The following SORCS3 variants were observed in gnomAD, a reference collection of about 807,000 sequenced individuals.
SORCS3 encodes VPS10 domain-containing receptor SorCS3.
Under a neutral mutation model 146.3 loss-of-function variants are expected in SORCS3, and 57 were observed. The ratio of observed to expected loss-of-function variants is 0.39; its 90% CI spans 0.31 to 0.49. The LOEUF (loss-of-function observed/expected upper bound fraction) is 0.49. Ranked by LOEUF, SORCS3 falls within the 20% of genes least tolerant of loss-of-function variation. The pLI, the probability that SORCS3 is intolerant of heterozygous loss-of-function variation, is 0.92. For synonymous variants in SORCS3, 653 were observed against 618.5 expected, an observed-to-expected ratio of 1.06 and a Z score of -0.83; for missense variants, 1,341 against 1,575.5, an observed-to-expected ratio of 0.85 and a Z score of 2.52.
At chr10:104,799,546 G>A (rs1464112434) in intron 1 of SORCS3, among the ~76,000 whole-genome samples, 1 of 152,120 alleles carries the variant, frequency 6.6e-6, no homozygotes, top group Non-Finnish European at 1.5e-5. Flanking sequence ...GCCTGTTGGG[G>A]GTTGGGGGGC....
chr10:105,006,270 T>C (rs1764231189), intron 4 of SORCS3, among the ~76,000 whole-genome samples: 1 of 152,166 alleles, frequency 6.6e-6, no homozygotes, highest in African/African-American at 2.4e-5. Context: ...GGGCAAATAC[T>C]TTGGAGTCTT....
chr10:104,768,128 T>G (rs1431896466), intron 1 of SORCS3, among the ~76,000 whole-genome samples: 3 of 152,204 alleles, frequency 2.0e-5, no homozygotes. Context: ...GAGAACTGCC[T>G]TAGAATTACA....
At chr10:104,671,511 T>C (rs555301175) in intron 1 of SORCS3, among the ~76,000 whole-genome samples, 24 of 49,328 alleles carry the variant, frequency 4.9e-4, no homozygotes, top group Non-Finnish European at 1.3e-3. Context: ...ACTTAAATAT[T>C]TTTTTTTTTC....
intron 1 of SORCS3, among the ~76,000 whole-genome samples, chr10:104,660,783 A>G (rs942311018): frequency 2.6e-5 from 4 of 152,118 alleles, no homozygotes; most frequent in African/African-American, 4.8e-5. Flanking sequence ...GAGAGGTAGG[A>G]CAGTCCAGAC....
At chr10:105,114,478 T>C (rs955122381) in intron 7 of SORCS3, among the ~76,000 whole-genome samples, 1 of 152,168 alleles carries the variant, frequency 6.6e-6, no homozygotes. Context: ...GAGCCTGTAG[T>C]ACCCTGTGAG....
chr10:105,193,232 A>G (rs1048511936), intron 14 of SORCS3, among the ~76,000 whole-genome samples: 3 of 152,182 alleles, frequency 2.0e-5, no homozygotes, highest in Admixed American at 6.6e-5. Context: ...GTGACAAGGG[A>G]CAGAGCATTT....
intron 7 of SORCS3, among the ~76,000 whole-genome samples, chr10:105,135,805 A>G (rs551291955): frequency 6.6e-6 from 1 of 152,260 alleles, no homozygotes; most frequent in East Asian, 1.9e-4. Context: ...TCTAATTTCC[A>G]ATACCTTACT....
At chr10:104,711,797 C>G (rs761571189) in intron 1 of SORCS3, among the ~76,000 whole-genome samples, 11 of 152,144 alleles carry the variant, frequency 7.2e-5, no homozygotes, top group Non-Finnish European at 1.3e-4. Context: ...CTCTGGGACA[C>G]CTTGAGGAAA....
At chr10:104,918,824 T>A (rs1049168583) in intron 3 of SORCS3, among the ~76,000 whole-genome samples, 29 of 152,352 alleles carry the variant, frequency 1.9e-4, no homozygotes, top group Non-Finnish European at 3.8e-4. Flanking sequence ...ACAGAATTAA[T>A]CGTATTTTCA....
At chr10:104,789,732 ATTG>A (rs1249284491) in intron 1 of SORCS3, among the ~76,000 whole-genome samples, 1 of 152,204 alleles carries the variant, frequency 6.6e-6, no homozygotes, top group East Asian at 1.9e-4. Flanking sequence ...TCAGTGAAAA[ATTG>A]TTGTTCTTTG....
At chr10:105,005,669 A>C (rs1265891679) in intron 4 of SORCS3, among the ~76,000 whole-genome samples, 1 of 152,118 alleles carries the variant, frequency 6.6e-6, no homozygotes, top group East Asian at 1.9e-4. Flanking sequence ...AACCTCTCTA[A>C]ATAAAGAAGA....
At chr10:105,121,533 A>G (rs767174007) in intron 7 of SORCS3, among the ~76,000 whole-genome samples, 1 of 152,176 alleles carries the variant, frequency 6.6e-6, no homozygotes, top group Non-Finnish European at 1.5e-5. Flanking sequence ...GCACCTAATA[A>G]TTGGTATTCC....
At chr10:104,668,576 G>A (rs1379552321) in intron 1 of SORCS3, among the ~76,000 whole-genome samples, 1 of 152,170 alleles carries the variant, frequency 6.6e-6, no homozygotes, top group South Asian at 2.1e-4. Flanking sequence ...GATTCAGTGA[G>A]ATACACTTGT....
At chr10:104,882,263 T>A (rs893821095) in intron 2 of SORCS3, among the ~76,000 whole-genome samples, 14 of 152,224 alleles carry the variant, frequency 9.2e-5, no homozygotes, top group Non-Finnish European at 2.9e-5. Flanking sequence ...AATGCCCAGA[T>A]TTATTGCAAA....
chr10:105,100,805 A>G (rs58343541), intron 6 of SORCS3, among the ~76,000 whole-genome samples: 4,385 of 152,332 alleles, frequency 0.029, 125 homozygotes, highest in East Asian at 0.17. Context: ...TTCTCTTCAT[A>G]ATAAAAAATA....
intron 1 of SORCS3, among the ~76,000 whole-genome samples, chr10:104,762,515 G>T (rs2017133131): frequency 6.6e-6 from 1 of 152,100 alleles, no homozygotes; most frequent in Admixed American, 6.6e-5. Flanking sequence ...CCTCAGTGTT[G>T]CTTAACTCTG....
intron 1 of SORCS3, among the ~76,000 whole-genome samples, chr10:104,793,997 A>G (rs1448486573): frequency 2.0e-5 from 3 of 152,186 alleles, no homozygotes; most frequent in African/African-American, 7.2e-5. Flanking sequence ...CAGGTCAGTG[A>G]TGGCAAAGCT....
Position 105,263,377 on chromosome 10 carries a change from C to G in SORCS3, c.*3C>G. The G allele has an allele frequency of 1.2e-6, 2 of 1,613,808 alleles. No individual in the cohort carries two copies. ...TCCCCAACTGCACTAGTGTTTAATA[C>G]CAGCAAGCCACGTGGTCAACCACCT... On this transcript the variant is annotated 3_prime_UTR_variant, in exon 27 of 27. Transcript: ENST00000369701.
intron 2 of SORCS3, among the ~76,000 whole-genome samples, chr10:104,896,179 T>C (rs932676036): frequency 1.3e-5 from 2 of 152,262 alleles, no homozygotes; most frequent in Middle Eastern, 3.4e-3. Flanking sequence ...CCTGGCCAGA[T>C]TGCACTGACC....
Sources: allele counts gnomAD v4.1 joint callset (sites outside exome capture counted in the v4.1 genomes callset), GRCh38; gene constraint gnomAD v4.1.1; transcripts MANE v1.5; gene names NCBI Gene and HGNC (gene_info 2026-07-23, HGNC 2026-07-21).